Variants in NSUN2 observed in about 807,000 individuals in gnomAD.
NSUN2 encodes NOP2/Sun RNA methyltransferase 2.
A neutral mutation model predicts 92.7 loss-of-function variants in NSUN2; 63 were observed. The ratio of observed to expected loss-of-function variants is 0.68; its 90% CI spans 0.56 to 0.84. The LOEUF is 0.84. Ranked by LOEUF, NSUN2 falls within the 40% of genes least tolerant of loss-of-function variation. NSUN2 has a pLI of 0.00. For synonymous variants in NSUN2, 356 were observed against 348.3 expected, an observed-to-expected ratio of 1.02 and a Z score of -0.25; for missense variants, 989 against 964.9, an observed-to-expected ratio of 1.02 and a Z score of -0.33.
At chr5:6,608,745 T>C (rs1046078848) in intron 12 of NSUN2, among the ~76,000 whole-genome samples, 6 of 152,196 alleles carry the variant, frequency 3.9e-5, no homozygotes, top group African/African-American at 1.4e-4. Context: ...TGCACTGTGC[T>C]CTGCAGCTGG....
Position 6,616,734 on chromosome 5 carries a change from T to C in NSUN2, c.1014A>G (p.Lys338=), listed in dbSNP as rs1737228042. Residue 338 remains lysine (K), a synonymous_variant, in exon 9 of 19, where the codon AAA becomes AAG. Transcript: ENST00000264670. Reference sequence around the variant, plus strand: ...TCCATCAAGCGTGCTTACCTTCACTTTTTTCCAGTAAAGATGCTATGACTG... The same window carrying C: ...TCCATCAAGCGTGCTTACCTTCACTCTTTTCCAGTAAAGATGCTATGACTG... ...DEAVIASLLE[K]SEGALELADV... 1 of 1,429,784 alleles carries C rather than the reference T, an allele frequency of 7.0e-7. No homozygotes were observed. The highest frequency in any genetic ancestry group is 9.2e-7 in the Non-Finnish European group (1 of 1,084,400). The allele number at this position is 1,429,784 out of a possible 1,614,324, so 88.6% of individuals were successfully genotyped here. A position where few individuals can be genotyped will look rare whatever the true frequency, so the allele number is the denominator to read the frequency against.
chr5:6,613,186 T>C (rs955631875), intron 9 of NSUN2, among the ~76,000 whole-genome samples: 1 of 152,264 alleles, frequency 6.6e-6, no homozygotes, highest in Non-Finnish European at 1.5e-5. Flanking sequence ...AAGTAATTCA[T>C]TTTTGACACT....
chr5:6,625,517 C>A (rs1376787203), intron 4 of NSUN2, 47 bp downstream of exon 4: 1 of 1,360,430 alleles, frequency 7.4e-7, no homozygotes, highest in East Asian at 2.3e-5. Flanking sequence ...TACATCTATG[C>A]ATTTACAGCT....
chr5:6,618,602 CTAAT>C (rs1324729557), intron 7 of NSUN2, among the ~76,000 whole-genome samples: 1 of 151,982 alleles, frequency 6.6e-6, no homozygotes, highest in Non-Finnish European at 1.5e-5. Flanking sequence ...TGAATAATGA[CTAAT>C]AAATTTTCCA....
rs949984968 is a variant in NSUN2, at chr5:6,599,352, T to G, written c.*574A>C. On this transcript the variant is annotated 3_prime_UTR_variant, in exon 19 of 19. Coordinates refer to ENST00000264670, the MANE Select transcript of NSUN2 (RefSeq NM_017755.6). ...CATAAGTCCCCCTCAATAATTAGTATGACAATTCACGATACAGCTCTTACT... is the reference window on the plus strand; with the variant it reads ...CATAAGTCCCCCTCAATAATTAGTAGGACAATTCACGATACAGCTCTTACT... The G allele has an allele frequency of 6.6e-6, 1 of 152,604 alleles. No individual in the cohort carries two copies. Among genetic ancestry groups the G allele is most frequent in the Admixed American group, 6.5e-5 (1 of 15,268 alleles). 9.5% of individuals were successfully genotyped at this position (152,604 alleles called of 1,614,324 possible).
At chr5:6,602,560 G>C in intron 17 of NSUN2, 60 bp from the exon 18 acceptor site, 1 of 1,338,952 alleles carries the variant, frequency 7.5e-7, no homozygotes, top group South Asian at 1.2e-5. Context: ...CATGCGCTGA[G>C]CACATTTCTG....
In NSUN2 at chr5:6,600,089, C is replaced by T; in HGVS notation, c.2141G>A (p.Gly714Glu). 6.2e-7 allele frequency: 1 copy of T among 1,614,216 alleles called. No homozygotes were observed. Among genetic ancestry groups the T allele is most frequent in the Non-Finnish European group, 8.5e-7 (1 of 1,180,048 alleles). The stretch of plus-strand genomic sequence containing the variant: ...TGCACTCTCATTTGTGAGGATAACC[C>T]CTTCCTTCTTCTTTTCTCCCAATAC... ...LEVLGEKKKEGVILTNESAAS... is the reference protein window; with the variant it reads ...LEVLGEKKKEEVILTNESAAS... The change falls in exon 19 of 19, where the codon GGG becomes GAG. Residue 714 changes from glycine to glutamate, a missense_variant. By Grantham distance (98) the Gly-to-Glu change is moderately conservative. Transcript: ENST00000264670.
rs762439518 is a variant in NSUN2, at chr5:6,613,771, G to A, written c.1022-1973C>T. Among the ~76,000 whole-genome samples, 6 of 152,170 alleles carry A rather than the reference G, an allele frequency of 3.9e-5. No homozygotes were observed. The East Asian group carries it at 5.8e-4, about 15-fold the overall frequency. ...TCAATTGGTTCAGAAGCTGGACAGGGAAAGAGGGTGTTATTTACTGGGCTT... is the reference window on the plus strand; with the variant it reads ...TCAATTGGTTCAGAAGCTGGACAGGAAAAGAGGGTGTTATTTACTGGGCTT... On this transcript the variant is annotated intron_variant, in intron 9 of 18. Coordinates refer to ENST00000264670, the MANE Select transcript of NSUN2 (RefSeq NM_017755.6).
At position 6,616,709 on chromosome 5, in the gene NSUN2, T is replaced by C; in HGVS notation, c.1021+18A>G. On this transcript the variant is annotated intron_variant, in intron 9 of 18. Coordinates refer to ENST00000264670, the MANE Select transcript of NSUN2 (RefSeq NM_017755.6). ...AGCCCCCTATGCTGTTAATAAAAGA[T>C]CCATCAAGCGTGCTTACCTTCACTT... 3 of 1,330,816 alleles carry C rather than the reference T, an allele frequency of 2.3e-6. No individual in the cohort carries two copies. The East Asian group carries it at 9.7e-5, about 43-fold the overall frequency. 82.4% of individuals were successfully genotyped at this position (1,330,816 alleles called of 1,614,324 possible). A position where few individuals can be genotyped will look rare whatever the true frequency, so the allele number is the denominator to read the frequency against.
Position 6,630,986 on chromosome 5 carries a change from C to G in NSUN2, c.359+887G>C, listed in dbSNP as rs137954026. Among the ~76,000 whole-genome samples the G allele has an allele frequency of 8.5e-5, 13 of 152,064 alleles. No homozygotes were observed. The South Asian group carries it at 2.7e-3, about 32-fold the overall frequency. ...GCGGGCACCTGTAGTCCCAGCTACT[C>G]GGGAGGCTGAGACAAGAGAATGGCG... is the stretch of plus-strand genomic sequence containing the variant. On this transcript the variant is annotated intron_variant, in intron 3 of 18. Transcript: ENST00000264670.
chr5:6,611,542 A>G (rs1035868474), intron 10 of NSUN2, among the ~76,000 whole-genome samples, 183 bp downstream of exon 10: 2 of 152,032 alleles, frequency 1.3e-5, no homozygotes, highest in Non-Finnish European at 2.9e-5. Flanking sequence ...TTCCACTGCC[A>G]GGAATAAACA....
chr5:6,600,042 T>C lies in NSUN2; in HGVS notation c.2188A>G (p.Asn730Asp), dbSNP rs140467698. 1.7e-4 allele frequency: 268 copies of C among 1,614,126 alleles called. No individual in the cohort carries two copies. Among genetic ancestry groups the C allele is most frequent in the Non-Finnish European group, 1.7e-4 (204 of 1,180,054 alleles). Residue 730 changes from asparagine to aspartate, a missense_variant, in exon 19 of 19, where the codon AAT (asparagine) becomes GAT (aspartate). By Grantham distance (23) the Asn-to-Asp change is conservative. This residue lies in a region of NSUN2 where 626 missense variants were observed against 602.3 expected (regional missense o/e 1.04). Transcript: ENST00000264670. ...ESAASTGQPDNDVTEGQRAGE... is the reference protein window; with the variant it reads ...ESAASTGQPDDDVTEGQRAGE... Reference sequence around the variant, plus strand: ...GCTCTCTGTCCCTCAGTCACGTCATTGTCTGGCTGTCCGGTGCTGGCTGCA... The same window carrying C: ...GCTCTCTGTCCCTCAGTCACGTCATCGTCTGGCTGTCCGGTGCTGGCTGCA...
rs1298528733 is a variant in NSUN2 at position 6,607,347 on chromosome 5, T to C, written c.1361A>G (p.Gln454Arg). ...GKSAETREST[Q>R]LSPADLTEGK... ...TTCTGTGAGATCTGCAGGGCTCAGC[T>C]GTGTGCTTTCTCTGGTCTCTGCAGA... Residue 454 changes from glutamine to arginine, a missense_variant, in exon 13 of 19, where the codon CAG (glutamine) becomes CGG (arginine). Around this residue, in one of 3 missense-constraint regions of NSUN2, gnomAD observed 626 missense variants for 602.3 expected, o/e 1.04. Coordinates refer to ENST00000264670, the MANE Select transcript of NSUN2 (RefSeq NM_017755.6). 1 of 1,614,190 alleles carries C rather than the reference T, an allele frequency of 6.2e-7. No individual in the cohort carries two copies. Among genetic ancestry groups the C allele is most frequent in the Non-Finnish European group, 8.5e-7 (1 of 1,180,030 alleles).
intron 11 of NSUN2, 142 bp from the exon 12 acceptor site, chr5:6,610,064 A>ATT (rs1736926088): frequency 5.6e-6 from 3 of 540,506 alleles, no homozygotes; most frequent in African/African-American, 2.1e-5. Flanking sequence ...TGTAAACTTA[A>ATT]ATTTTTTTTT....
Position 6,611,015 on chromosome 5 carries a change from C to A in NSUN2, c.1166G>T (p.Arg389Leu). The A allele has an allele frequency of 6.2e-7, 1 of 1,614,162 alleles. No individual in the cohort carries two copies. The change falls in exon 11 of 19, where the codon CGA becomes CTA. Residue 389 changes from arginine (R) to leucine (L), a missense_variant. Arg to Leu is a moderately radical substitution (Grantham distance 102, BLOSUM62 -2). Coordinates refer to ENST00000264670, the MANE Select transcript of NSUN2 (RefSeq NM_017755.6). ...AVPHSRHTQI[R>L]PTMFPPKDPE... ...GTCCTTCGGAGGGAACATGGTAGGT[C>A]GGATCTGGGTGTGTCTGCTGTGAGG...
intron 4 of NSUN2, among the ~76,000 whole-genome samples, chr5:6,624,312 T>C (rs1737568603): frequency 1.3e-5 from 2 of 152,250 alleles, no homozygotes; most frequent in South Asian, 2.1e-4. Flanking sequence ...ATGACCACCC[T>C]GTGTAGATGT....
chr5:6,622,172 C>G, intron 5 of NSUN2, 72 bp from the exon 6 acceptor site: 1 of 1,238,034 alleles, frequency 8.1e-7, no homozygotes, highest in Non-Finnish European at 1.2e-6. Context: ...TAAAGCAATT[C>G]TAGTTTTTCA....
intron 7 of NSUN2, among the ~76,000 whole-genome samples, chr5:6,619,767 C>T (rs1409388469): frequency 6.6e-6 from 1 of 152,148 alleles, no homozygotes; most frequent in Non-Finnish European, 1.5e-5. Context: ...AGTTGGGGTG[C>T]ACAAATTGTT....
At chr5:6,612,203 C>T (rs879349259) in intron 9 of NSUN2, among the ~76,000 whole-genome samples, 6 of 152,174 alleles carry the variant, frequency 3.9e-5, no homozygotes, top group Non-Finnish European at 5.9e-5. Context: ...GCCACAGACG[C>T]GAGACTAACT....
Sources: gnomAD v4.1 joint callset for allele counts (sites outside exome capture counted in the v4.1 genomes callset) on GRCh38, gnomAD v4.1.1 for gene constraint, gnomAD v4.1.1 regional missense constraint, MANE v1.5 for transcripts, NCBI Gene and HGNC (gene_info 2026-07-23, HGNC 2026-07-21) for gene names.